Variants in AK4 observed in about 807,000 individuals in gnomAD.
The protein encoded by AK4 is adenylate kinase 4, mitochondrial.
Under a neutral mutation model 24.6 loss-of-function variants are expected in AK4, and 13 were observed. That is an observed-to-expected ratio of 0.53 (90% CI 0.34 to 0.84). The LOEUF (loss-of-function observed/expected upper bound fraction) is 0.84, where lower values mean the gene tolerates loss of function less well. AK4 is among the 40% of genes least tolerant of loss of function. AK4 has a pLI of 0.01. For missense variants in AK4, 192 were observed against 288.2 expected, an observed-to-expected ratio of 0.67 and a Z score of 2.42; for synonymous variants, 88 against 107.0, an observed-to-expected ratio of 0.82 and a Z score of 1.10.
intron 1 of AK4, among the ~76,000 whole-genome samples, chr1:65,167,555 TCTC>T (rs976314806): frequency 2.0e-5 from 3 of 151,696 alleles, no homozygotes; most frequent in African/African-American, 7.3e-5. Flanking sequence ...AAATGCAAGA[TCTC>T]CTTTCCGTGG....
Position 65,217,981 on chromosome 1 carries a change from T to C in AK4, c.266-773T>C, listed in dbSNP as rs1008067978. Among the ~76,000 whole-genome samples the C allele has an allele frequency of 5.3e-5, 8 of 152,234 alleles. 1 individual carries two copies. The highest frequency in any genetic ancestry group is 2.1e-4 in the South Asian group (1 of 4,836). On this transcript the variant is annotated intron_variant, in intron 2 of 4. Coordinates refer to ENST00000327299, the MANE Select transcript of AK4 (RefSeq NM_013410.4). ...AAATGATTACCACAGTTAGGTTTAA[T>C]AATTAACATATCCATCATCTCACAT... is the stretch of plus-strand genomic sequence containing the variant.
chr1:65,148,180 C>CGAGGAGGTGGAGAAGGGT, upstream of AK4: 2 of 891,992 alleles, frequency 2.2e-6, no homozygotes, highest in Non-Finnish European at 1.6e-6. Flanking sequence ...TGGAGAAGGG[C>CGAGGAGGTGGAGAAGGGT]GGGGAGGTGT....
intron 2 of AK4, among the ~76,000 whole-genome samples, chr1:65,210,679 A>C (rs1033416645): frequency 2.2e-4 from 33 of 152,078 alleles, no homozygotes; most frequent in African/African-American, 7.2e-5. Flanking sequence ...TAAAAGCTCA[A>C]ATCTATCTTT....
chr1:65,165,657 A>C (rs553383491), intron 1 of AK4, among the ~76,000 whole-genome samples: 5 of 152,124 alleles, frequency 3.3e-5, no homozygotes, highest in African/African-American at 9.7e-5. Flanking sequence ...GAGTTCCTCA[A>C]ACTCCTTTTG....
chr1:65,217,654 GA>G (rs555642610), intron 2 of AK4, among the ~76,000 whole-genome samples: 45 of 152,276 alleles, frequency 3.0e-4, no homozygotes, highest in African/African-American at 1.1e-3. Flanking sequence ...AATCTCTGAA[GA>G]AAAGTGTAAT....
At chr1:65,171,967 C>T (rs1570085567) in intron 1 of AK4, among the ~76,000 whole-genome samples, 1 of 149,782 alleles carries the variant, frequency 6.7e-6, no homozygotes, top group African/African-American at 2.4e-5. Flanking sequence ...GAGGCTGAGG[C>T]TTGAGAATTG....
At chr1:65,195,281 C>A (rs1651431139) in intron 2 of AK4, among the ~76,000 whole-genome samples, 2 of 152,154 alleles carry the variant, frequency 1.3e-5, no homozygotes, top group South Asian at 4.1e-4. Context: ...CTCTTAAAGG[C>A]CCCACCTCCC....
intron 1 of AK4, among the ~76,000 whole-genome samples, chr1:65,159,658 G>A (rs1374943005): frequency 6.6e-6 from 1 of 151,274 alleles, no homozygotes; most frequent in African/African-American, 2.4e-5. Flanking sequence ...GGGCAACAGA[G>A]CGAAAACCTT....
chr1:65,181,241 C>G (rs549411603), intron 1 of AK4, among the ~76,000 whole-genome samples: 30 of 151,768 alleles, frequency 2.0e-4, no homozygotes, highest in South Asian at 2.1e-4. Context: ...GCTCCTTTTT[C>G]CATCTCTCTC....
chr1:65,197,238 C>T (rs1651500755), intron 2 of AK4, among the ~76,000 whole-genome samples: 1 of 152,046 alleles, frequency 6.6e-6, no homozygotes. Context: ...AACTTGCCTG[C>T]TTACTTGTGC....
At chr1:65,172,063 G>GTATATATATATATATATATATATATATA (rs3051712) in intron 1 of AK4, among the ~76,000 whole-genome samples, 3 of 65,746 alleles carry the variant, frequency 4.6e-5, no homozygotes, top group Non-Finnish European at 3.9e-5. Context: ...TCCATCTCAA[G>GTATATATATATATATATATATATATATA]TATATATATA....
intron 1 of AK4, among the ~76,000 whole-genome samples, chr1:65,175,855 A>G (rs1456543065): frequency 1.3e-5 from 2 of 152,244 alleles, no homozygotes; most frequent in South Asian, 2.1e-4. Context: ...CCCTTGCCCA[A>G]CTTCTGTTGC....
Position 65,148,283 on chromosome 1 carries a change from G to A in AK4, c.-125G>A, listed in dbSNP as rs1053031326. On this transcript the variant is annotated 5_prime_UTR_variant, in exon 1 of 5. Coordinates refer to ENST00000327299, the MANE Select transcript of AK4 (RefSeq NM_013410.4). ...GTCTCTCCTTCCCCCTGTAGGGGCGGCCGGCGAGTCCCAGTGAGAGCGGAG... is the reference window on the plus strand; with the variant it reads ...GTCTCTCCTTCCCCCTGTAGGGGCGACCGGCGAGTCCCAGTGAGAGCGGAG... The A allele has an allele frequency of 1.3e-5, 17 of 1,313,372 alleles. No homozygotes were observed. The highest frequency in any genetic ancestry group is 2.9e-5 in the Admixed American group (1 of 34,364). The allele number at this position is 1,313,372 out of a possible 1,614,324, so 81.4% of individuals were successfully genotyped here. A position where few individuals can be genotyped will look rare whatever the true frequency, so the allele number is the denominator to read the frequency against.
chr1:65,161,832 A>G (rs1277828594), intron 1 of AK4, among the ~76,000 whole-genome samples: 1 of 152,218 alleles, frequency 6.6e-6, no homozygotes, highest in Non-Finnish European at 1.5e-5. Flanking sequence ...TACTCTAAAG[A>G]AAATGAGATA....
At chr1:65,150,252 C>G (rs142727669) in intron 1 of AK4, among the ~76,000 whole-genome samples, 2 of 149,156 alleles carry the variant, frequency 1.3e-5, no homozygotes, top group African/African-American at 2.5e-5. Context: ...TCCATTTGCT[C>G]TTTTCCCTTG....
intron 2 of AK4, among the ~76,000 whole-genome samples, chr1:65,203,279 A>AC (rs1274677233): frequency 6.6e-6 from 1 of 152,142 alleles, no homozygotes; most frequent in Non-Finnish European, 1.5e-5. Context: ...ACAAATGTAA[A>AC]ACTCTTAGTG....
At chr1:65,151,033 A>C (rs148438380) in intron 1 of AK4, among the ~76,000 whole-genome samples, 3,224 of 151,912 alleles carry the variant, frequency 0.021, 110 homozygotes, top group African/African-American at 0.073. Flanking sequence ...GGCTCGCTGC[A>C]ACCTCTGCCT....
intron 1 of AK4, among the ~76,000 whole-genome samples, chr1:65,169,400 G>A (rs1650438087): frequency 6.6e-6 from 1 of 152,052 alleles, no homozygotes; most frequent in South Asian, 2.1e-4. Context: ...GAGGTAGTGT[G>A]GTTGTATTTA....
intron 2 of AK4, among the ~76,000 whole-genome samples, chr1:65,205,994 C>G (rs566180298): frequency 6.6e-6 from 1 of 152,228 alleles, no homozygotes; most frequent in African/African-American, 2.4e-5. Flanking sequence ...TGCCCTGTCT[C>G]CAGATATCCG....
Sources: allele counts gnomAD v4.1 joint callset (sites outside exome capture counted in the v4.1 genomes callset), GRCh38; gene constraint gnomAD v4.1.1; transcripts MANE v1.5; gene names NCBI Gene and HGNC (gene_info 2026-07-23, HGNC 2026-07-21).